The following GRXCR1 variants were observed in gnomAD, a reference collection of about 807,000 sequenced individuals.
GRXCR1 encodes the protein glutaredoxin and cysteine rich domain containing 1, also known as glutaredoxin domain-containing cysteine-rich protein 1.
A neutral mutation model predicts 27.3 loss-of-function variants in GRXCR1; 27 were observed. That is an observed-to-expected ratio of 0.99 (90% CI 0.73 to 1.37). The LOEUF (loss-of-function observed/expected upper bound fraction) is 1.37. Among genes scored for constraint, GRXCR1 ranks in the 40% most tolerant of loss-of-function variants. GRXCR1 has a pLI of 0.00. For synonymous variants in GRXCR1, 122 were observed against 131.1 expected (o/e 0.93, Z 0.47); for missense variants, 379 against 354.4 (o/e 1.07, Z -0.56).
chr4:42,892,741 T>C lies in GRXCR1; in HGVS notation c.-526T>C, dbSNP rs35876118. On this transcript the variant is annotated 5_prime_UTR_variant, in exon 1 of 4. The change abolishes an upstream ATG in the 5' untranslated region. Transcript: ENST00000399770. ...TAATAGTAATAGCTCTATGCAGGCATGCAGCATGCAGCGTGTTCACTGCCC... is the reference window on the plus strand; with the variant it reads ...TAATAGTAATAGCTCTATGCAGGCACGCAGCATGCAGCGTGTTCACTGCCC... The C allele has an allele frequency of 0.31, 50,188 of 161,428 alleles. 8,443 individuals are homozygous for C. Among genetic ancestry groups the C allele is most frequent in the Non-Finnish European group, 0.37 (27,228 of 73,130 alleles). The allele number at this position is 161,428 out of a possible 1,614,324, so 10.0% of individuals were successfully genotyped here.
chr4:42,992,879 C>A (rs1712019733), intron 2 of GRXCR1, among the ~76,000 whole-genome samples: 1 of 152,028 alleles, frequency 6.6e-6, no homozygotes, highest in Non-Finnish European at 1.5e-5. Flanking sequence ...CTTTAGTTTA[C>A]TTATACTTTT....
chr4:43,003,339 G>A (rs1285859123), intron 2 of GRXCR1, among the ~76,000 whole-genome samples: 1 of 151,992 alleles, frequency 6.6e-6, no homozygotes, highest in Non-Finnish European at 1.5e-5. Context: ...GTGTGAGAAT[G>A]GACTAATACA....
intron 2 of GRXCR1, among the ~76,000 whole-genome samples, chr4:42,979,264 A>T (rs1200975974): frequency 6.6e-6 from 1 of 151,960 alleles, no homozygotes; most frequent in Admixed American, 6.6e-5. Context: ...CTTGTTCTAG[A>T]TCTTAGAGGG....
In GRXCR1 at chr4:42,934,980, G is replaced by A. The variant is rs527638048; in HGVS notation, c.385-27912G>A. Among the ~76,000 whole-genome samples the A allele has an allele frequency of 5.9e-5, 9 of 151,940 alleles. No individual in the cohort carries two copies. In the South Asian group the frequency reaches 1.9e-3, roughly 31 times the overall value. On this transcript the variant is annotated intron_variant, in intron 1 of 3. Transcript: ENST00000399770. ...GGATTTTGGTTGAAGATTACAGTGG[G>A]GGTTCCATAACTCTTGGCTTCTGGT...
intron 1 of GRXCR1, among the ~76,000 whole-genome samples, chr4:42,922,742 C>T (rs534692952): frequency 6.6e-6 from 1 of 152,114 alleles, no homozygotes; most frequent in African/African-American, 2.4e-5. Flanking sequence ...ATTCCCCTTG[C>T]TGTCTTTTGT....
At chr4:43,021,249 G>T (rs1390019299) in intron 3 of GRXCR1, among the ~76,000 whole-genome samples, 1 of 152,028 alleles carries the variant, frequency 6.6e-6, no homozygotes, top group African/African-American at 2.4e-5. Context: ...TGTGCAAGTT[G>T]TTCTGTCTGC....
intron 1 of GRXCR1, among the ~76,000 whole-genome samples, chr4:42,949,760 C>T (rs1424633811): frequency 6.6e-6 from 1 of 152,102 alleles, no homozygotes; most frequent in Non-Finnish European, 1.5e-5. Context: ...ATCATTAGTA[C>T]AGTCAGAGAG....
intron 1 of GRXCR1, among the ~76,000 whole-genome samples, chr4:42,945,375 A>C (rs1210220051): frequency 6.6e-6 from 1 of 152,154 alleles, no homozygotes; most frequent in East Asian, 1.9e-4. Flanking sequence ...TAAATCATGG[A>C]TATGGCACGA....
chr4:43,022,016 C>T (rs530271245), intron 3 of GRXCR1, among the ~76,000 whole-genome samples: 2 of 152,056 alleles, frequency 1.3e-5, no homozygotes, highest in African/African-American at 2.4e-5. Context: ...TCTTAAAACT[C>T]CTCTTAGCTA....
chr4:42,927,584 G>T (rs1437904264), intron 1 of GRXCR1, among the ~76,000 whole-genome samples: 1 of 151,922 alleles, frequency 6.6e-6, no homozygotes, highest in Admixed American at 6.6e-5. Flanking sequence ...CTTGCTACCT[G>T]GGAGAGAGAG....
chr4:42,987,222 T>TTATATATTATATATA (rs1553943890), intron 2 of GRXCR1, among the ~76,000 whole-genome samples: 15,677 of 99,716 alleles, frequency 0.16, 1,591 homozygotes, highest in Middle Eastern at 0.23. Flanking sequence ...TATATATATA[T>TTATATATTATATATA]TATATATTAT....
At chr4:42,909,610 T>A (rs576360768) in intron 1 of GRXCR1, among the ~76,000 whole-genome samples, 1 of 152,238 alleles carries the variant, frequency 6.6e-6, no homozygotes, top group Admixed American at 6.5e-5. Context: ...ATTTTCTCAT[T>A]AAAAAATCCA....
At chr4:43,022,108 AT>A in intron 3 of GRXCR1, among the ~76,000 whole-genome samples, 2 of 152,302 alleles carry the variant, frequency 1.3e-5, no homozygotes, top group Admixed American at 1.3e-4. Context: ...CACTTACATT[AT>A]TATATACCTT....
chr4:43,015,753 T>C (rs1418182047), intron 2 of GRXCR1, among the ~76,000 whole-genome samples: 2 of 151,484 alleles, frequency 1.3e-5, no homozygotes, highest in South Asian at 4.1e-4. Flanking sequence ...TATGACTAAA[T>C]ATAAATTAAA....
intron 2 of GRXCR1, among the ~76,000 whole-genome samples, chr4:42,989,049 G>T (rs754916525): frequency 6.6e-6 from 1 of 152,146 alleles, no homozygotes; most frequent in Non-Finnish European, 1.5e-5. Flanking sequence ...AGTTGCCTTT[G>T]CTTATAGGCC....
intron 1 of GRXCR1, among the ~76,000 whole-genome samples, chr4:42,925,251 G>C (rs1490699539): frequency 2.0e-5 from 3 of 151,958 alleles, no homozygotes; most frequent in African/African-American, 7.2e-5. Context: ...AAATTTAATG[G>C]AGAGGAGAGA....
In GRXCR1 at chr4:42,893,494, C is replaced by A; in HGVS notation, c.228C>A (p.Asp76Glu). Reference sequence around the variant, plus strand: ...CAGAAGGTGATGAGAATGAGAATGACCAGGATAGCTTGCTGGTGTTAGCAA... The same window carrying A: ...CAGAAGGTGATGAGAATGAGAATGAACAGGATAGCTTGCTGGTGTTAGCAA... ...IESEGDENEN[D>E]QDSLLVLARA... is the part of the protein sequence containing the mutation. Residue 76 changes from aspartate to glutamate, a missense_variant, in exon 1 of 4, where the codon GAC becomes GAA. By Grantham distance (45) the Asp-to-Glu change is conservative (BLOSUM62 2). Transcript: ENST00000399770. The A allele has an allele frequency of 6.2e-7, 1 of 1,613,768 alleles. No individual in the cohort carries two copies. Among genetic ancestry groups the A allele is most frequent in the Non-Finnish European group, 8.5e-7 (1 of 1,179,814 alleles).
chr4:42,898,964 AGC>A (rs1746408350), intron 1 of GRXCR1, among the ~76,000 whole-genome samples: 1 of 152,132 alleles, frequency 6.6e-6, no homozygotes, highest in African/African-American at 2.4e-5. Flanking sequence ...GGAAAGAAAA[AGC>A]AGCAAAGATG....
chr4:42,913,420 C>T (rs951936812), intron 1 of GRXCR1, among the ~76,000 whole-genome samples: 2 of 152,092 alleles, frequency 1.3e-5, no homozygotes, highest in South Asian at 2.1e-4. Flanking sequence ...AAGGTGACCT[C>T]GCTACGCTTA....
Sources: gnomAD v4.1 joint callset for allele counts (sites outside exome capture counted in the v4.1 genomes callset) on GRCh38, gnomAD v4.1.1 for gene constraint, MANE v1.5 for transcripts, NCBI Gene and HGNC (gene_info 2026-07-23, HGNC 2026-07-21) for gene names.